Variants in ECT2L observed in about 807,000 individuals in gnomAD.
ECT2L encodes the protein epithelial cell transforming 2 like.
Under a neutral mutation model 122.8 loss-of-function variants are expected in ECT2L, and 126 were observed. That is an observed-to-expected ratio of 1.03 (90% confidence interval 0.89 to 1.19). The LOEUF (loss-of-function observed/expected upper bound fraction) is 1.19. Among genes scored for constraint, ECT2L ranks in the 50% most tolerant of loss-of-function variants. The pLI is 0.00. For missense variants in ECT2L, 1,012 were observed against 1,064.1 expected (o/e 0.95, Z 0.68); for synonymous variants, 385 against 381.8 (o/e 1.01, Z -0.10).
intron 21 of ECT2L, 109 bp from the exon 22 acceptor site, chr6:138,902,391 T>C (rs1779431355): frequency 1.0e-6 from 1 of 995,100 alleles, no homozygotes; most frequent in Non-Finnish European, 1.5e-6. Flanking sequence ...GTATTTCTTT[T>C]TAGGTTTTAA....
intron 14 of ECT2L, chr6:138,879,492 G>C (rs1778575366): frequency 6.6e-6 from 1 of 151,892 alleles, no homozygotes; most frequent in Admixed American, 6.6e-5. Context: ...TAAATTTTCT[G>C]GTATAAAGAT....
intron 1 of ECT2L, among the ~76,000 whole-genome samples, chr6:138,804,541 T>G (rs115502076): frequency 4.6e-5 from 7 of 151,994 alleles, no homozygotes; most frequent in Non-Finnish European, 7.4e-5. Context: ...TTTGGCACTT[T>G]AAAGTTCCAT....
chr6:138,839,435 C>A (rs1187617966), intron 5 of ECT2L, among the ~76,000 whole-genome samples: 1 of 151,154 alleles, frequency 6.6e-6, no homozygotes, highest in Admixed American at 6.6e-5. Context: ...TGTGATCTGG[C>A]TCATTGCAAC....
In ECT2L at chr6:138,885,764, T is replaced by C. The variant is rs1778800777; in HGVS notation, c.2193T>C (p.His731=). The change falls in exon 18 of 22, where the codon CAT becomes CAC. Residue 731 remains histidine (H), a synonymous_variant. Coordinates refer to ENST00000541398, the MANE Select transcript of ECT2L (RefSeq NM_001077706.3). ...TCAGGCTTCATACCCCTGCAGAGCA[T>C]GTTGACCGTGGGGACTTGACCACTG... The part of the protein sequence containing the change: ...YAVRLHTPAE[H]VDRGDLTTAI... 6.2e-7 allele frequency: 1 copy of C among 1,614,170 alleles called. No individual in the cohort carries two copies. Among genetic ancestry groups the C allele is most frequent in the African/African-American group, 1.3e-5 (1 of 75,048 alleles).
At chr6:138,867,982 A>G (rs1778107099) in intron 12 of ECT2L, 121 bp from the exon 13 acceptor site, 1 of 702,176 alleles carries the variant, frequency 1.4e-6, no homozygotes. Context: ...CCTGGGCAAC[A>G]GAGTAAGATT....
chr6:138,844,809 T>TC (rs1299494181), intron 7 of ECT2L, among the ~76,000 whole-genome samples: 52 of 150,900 alleles, frequency 3.4e-4, no homozygotes, highest in African/African-American at 1.2e-3. Context: ...TTTTTTTTTT[T>TC]TTTTGATATG....
At chr6:138,844,704 C>A in intron 7 of ECT2L, 124 bp downstream of exon 7, 2 of 833,286 alleles carry the variant, frequency 2.4e-6, no homozygotes, top group Non-Finnish European at 3.7e-6. Context: ...TATGAAATAT[C>A]AGTAAAGATA....
chr6:138,851,482 C>CTTTTTTTTTTTTTTTTT (rs56921189), intron 9 of ECT2L, among the ~76,000 whole-genome samples: 1 of 109,636 alleles, frequency 9.1e-6, no homozygotes. Flanking sequence ...TGTGCCTAGC[C>CTTTTTTTTTTTTTTTTT]TTTTTTTTTT....
intron 12 of ECT2L, among the ~76,000 whole-genome samples, 196 bp from the exon 13 acceptor site, chr6:138,867,907 G>A (rs1413674853): frequency 6.6e-6 from 1 of 151,028 alleles, no homozygotes; most frequent in Non-Finnish European, 1.5e-5. Flanking sequence ...TACTTGAGAA[G>A]CTGAGGTGGG....
chr6:138,838,273 T>A, intron 4 of ECT2L, 79 bp from the exon 5 acceptor site: 3 of 1,242,740 alleles, frequency 2.4e-6, no homozygotes, highest in Middle Eastern at 2.7e-4. Context: ...TGGAGGAAGA[T>A]CAATGACCAA....
At chr6:138,806,891 G>A (rs1049139263) in intron 1 of ECT2L, among the ~76,000 whole-genome samples, 22 of 152,022 alleles carry the variant, frequency 1.4e-4, no homozygotes, top group South Asian at 2.1e-4. Flanking sequence ...TAACACAGCC[G>A]ATTAACATTT....
At chr6:138,862,920 T>C (rs2128399278) in intron 11 of ECT2L, among the ~76,000 whole-genome samples, 1 of 152,356 alleles carries the variant, frequency 6.6e-6, no homozygotes, top group Admixed American at 6.5e-5. Flanking sequence ...GATTATTTAT[T>C]GCACATATTT....
chr6:138,863,607 TTTTC>T (rs972850113), intron 11 of ECT2L, among the ~76,000 whole-genome samples: 3 of 150,908 alleles, frequency 2.0e-5, no homozygotes, highest in East Asian at 1.9e-4. Context: ...AGGGAACAGG[TTTTC>T]TTTCTTTTTT....
intron 10 of ECT2L, among the ~76,000 whole-genome samples, chr6:138,856,689 G>A (rs1017621667): frequency 2.0e-5 from 3 of 151,964 alleles, no homozygotes; most frequent in Non-Finnish European, 2.9e-5. Flanking sequence ...CAATTCATTT[G>A]GTTAAAACAC....
chr6:138,803,913 C>T (rs1775629155), intron 1 of ECT2L, among the ~76,000 whole-genome samples: 1 of 152,234 alleles, frequency 6.6e-6, no homozygotes. Flanking sequence ...ATTATTCTGA[C>T]TCTTTAATAA....
At chr6:138,844,087 G>A (rs766059545) in intron 6 of ECT2L, among the ~76,000 whole-genome samples, 10 of 152,172 alleles carry the variant, frequency 6.6e-5, no homozygotes, top group African/African-American at 1.7e-4. Context: ...TGGTGAGATC[G>A]TGACAAATAA....
chr6:138,893,195 G>GT (rs779846824), intron 20 of ECT2L, among the ~76,000 whole-genome samples: 1,793 of 128,652 alleles, frequency 0.014, 33 homozygotes, highest in African/African-American at 0.046. Flanking sequence ...GTTTTTTTTT[G>GT]TTTTTTTTTC....
intron 10 of ECT2L, among the ~76,000 whole-genome samples, chr6:138,859,390 T>A (rs755563021): frequency 2.6e-5 from 4 of 152,234 alleles, no homozygotes; most frequent in Admixed American, 2.6e-4. Flanking sequence ...TTCTCTTGGA[T>A]GAATACCTGG....
chr6:138,811,438 C>T (rs1019960094), intron 1 of ECT2L, among the ~76,000 whole-genome samples: 3 of 152,194 alleles, frequency 2.0e-5, no homozygotes, highest in African/African-American at 7.2e-5. Flanking sequence ...TATCCCCTTT[C>T]CCCACAAATT....
Sources: gnomAD v4.1 joint callset for allele counts (sites outside exome capture counted in the v4.1 genomes callset) on GRCh38, gnomAD v4.1.1 for gene constraint, MANE v1.5 for transcripts, NCBI Gene and HGNC (gene_info 2026-07-23, HGNC 2026-07-21) for gene names.